The following ARID1B variants were observed in gnomAD, a reference collection of about 807,000 sequenced individuals.
The protein encoded by ARID1B is AT-rich interaction domain 1B.
A neutral mutation model predicts 212.3 loss-of-function variants in ARID1B; 30 were observed. The observed-to-expected ratio is 0.14, with a 90% CI of 0.11 to 0.19. The LOEUF (loss-of-function observed/expected upper bound fraction) is 0.19, where lower values mean the gene tolerates loss of function less well. ARID1B is among the 10% of genes least tolerant of loss of function. ARID1B has a pLI of 1.00. For missense variants in ARID1B, 2,891 were observed against 3,204.0 expected (o/e 0.90, Z 2.36); for synonymous variants, 1,402 against 1,301.7 (o/e 1.08, Z -1.66).
In ARID1B at chr6:157,131,424, G is replaced by A. The variant is rs181322682; in HGVS notation, c.2582-1604G>A. ...ACCTCTGATCAGGTGTCGAGGGAGGGCTGAGGGATGAGAAGGACCCAGCAG... is the reference window on the plus strand; with the variant it reads ...ACCTCTGATCAGGTGTCGAGGGAGGACTGAGGGATGAGAAGGACCCAGCAG... On this transcript the variant is annotated intron_variant, in intron 6 of 19. Transcript: ENST00000636930. Among the ~76,000 whole-genome samples the A allele has an allele frequency of 1.5e-3, 230 of 152,288 alleles. 1 individual carries two copies. Among genetic ancestry groups the A allele is most frequent in the African/African-American group, 5.1e-3 (214 of 41,556 alleles).
chr6:156,894,306 C>CGGGGGGGTTGGGATGGGGGCCGG (rs1167132030), intron 2 of ARID1B, among the ~76,000 whole-genome samples: 1 of 23,636 alleles, frequency 4.2e-5, no homozygotes, highest in Non-Finnish European at 9.2e-5. Context: ...GGATGGGGGC[C>CGGGGGGGTTGGGATGGGGGCCGG]GGGGGTTGGG....
At chr6:156,866,912 T>C (rs1785737528) in intron 2 of ARID1B, among the ~76,000 whole-genome samples, 1 of 152,228 alleles carries the variant, frequency 6.6e-6, no homozygotes, top group South Asian at 2.1e-4. Flanking sequence ...TGGAAGTTAC[T>C]TCGTTTAAGT....
At chr6:157,189,957 A>G (rs1349315685) in intron 14 of ARID1B, 81 bp from the exon 15 acceptor site, 1 of 1,585,964 alleles carries the variant, frequency 6.3e-7, no homozygotes, top group Non-Finnish European at 8.6e-7. Context: ...GCACATTTCA[A>G]GATGGGTTCA....
intron 13 of ARID1B, chr6:157,186,305 C>A: frequency 2.7e-6 from 1 of 375,160 alleles, no homozygotes; most frequent in Non-Finnish European, 5.5e-6. Context: ...ATTTTAACTA[C>A]ACAAAAGAGC....
chr6:157,108,425 A>G (rs1303772240), intron 5 of ARID1B, among the ~76,000 whole-genome samples: 8 of 152,200 alleles, frequency 5.3e-5, no homozygotes, highest in Non-Finnish European at 8.8e-5. Flanking sequence ...TCATGAGTCT[A>G]TGAATCCAGC....
intron 4 of ARID1B, among the ~76,000 whole-genome samples, chr6:157,076,837 C>G (rs1474928643): frequency 6.6e-6 from 1 of 152,150 alleles, no homozygotes; most frequent in East Asian, 1.9e-4. Context: ...TTGGGAAGCA[C>G]CAACCCATAA....
intron 1 of ARID1B, among the ~76,000 whole-genome samples, chr6:156,814,415 A>G (rs1385484840): frequency 2.0e-5 from 3 of 152,170 alleles, no homozygotes; most frequent in Non-Finnish European, 2.9e-5. Flanking sequence ...AAACAAAAGC[A>G]CCAATGTAAA....
intron 4 of ARID1B, among the ~76,000 whole-genome samples, chr6:156,970,656 A>T (rs143328469): frequency 7.9e-5 from 12 of 152,230 alleles, no homozygotes; most frequent in Admixed American, 6.5e-5. Context: ...GTTATAGAGC[A>T]ACTGTCTGTG....
intron 1 of ARID1B, among the ~76,000 whole-genome samples, chr6:156,797,773 C>T (rs1233687279): frequency 1.3e-5 from 2 of 152,168 alleles, no homozygotes; most frequent in South Asian, 4.1e-4. Flanking sequence ...GCACAAGGGC[C>T]GCAGCCTGAG....
intron 8 of ARID1B, among the ~76,000 whole-genome samples, chr6:157,161,938 A>T (rs1006293012): frequency 6.6e-6 from 1 of 152,194 alleles, no homozygotes; most frequent in Non-Finnish European, 1.5e-5. Flanking sequence ...GCACTGCGTG[A>T]TGCTCATTCC....
chr6:156,867,841 G>A (rs1436898393), intron 2 of ARID1B, among the ~76,000 whole-genome samples: 58 of 152,152 alleles, frequency 3.8e-4, no homozygotes, highest in Non-Finnish European at 1.5e-5. Context: ...CTCCTCTACC[G>A]ATCAAATAAG....
At chr6:157,035,234 G>A (rs1159288673) in intron 4 of ARID1B, among the ~76,000 whole-genome samples, 1 of 152,148 alleles carries the variant, frequency 6.6e-6, no homozygotes. Context: ...TTCTTGCAAA[G>A]TTAAACTGTA....
intron 4 of ARID1B, chr6:157,022,478 A>G (rs959799902): frequency 4.6e-5 from 7 of 152,194 alleles, no homozygotes; most frequent in Admixed American, 2.0e-4. Context: ...TGTCTCTGCC[A>G]TGGAGACTTT....
At chr6:156,988,881 T>G (rs1778101160) in intron 4 of ARID1B, among the ~76,000 whole-genome samples, 1 of 152,210 alleles carries the variant, frequency 6.6e-6, no homozygotes, top group Non-Finnish European at 1.5e-5. Context: ...CAGCCAGTAT[T>G]CATGACAGTT....
At chr6:157,155,731 G>T (rs576072127) in intron 8 of ARID1B, among the ~76,000 whole-genome samples, 2 of 152,262 alleles carry the variant, frequency 1.3e-5, no homozygotes, top group South Asian at 4.1e-4. Context: ...ATTCCATAGG[G>T]TAGCTAGATC....
At chr6:156,892,052 T>A (rs1394335747) in intron 2 of ARID1B, among the ~76,000 whole-genome samples, 3 of 90,564 alleles carry the variant, frequency 3.3e-5, no homozygotes, top group African/African-American at 1.2e-4. Flanking sequence ...TCTTTTTTTT[T>A]TTTTTTTCTT....
intron 4 of ARID1B, among the ~76,000 whole-genome samples, chr6:157,029,180 T>C (rs1780867925): frequency 6.6e-6 from 1 of 152,238 alleles, no homozygotes; most frequent in Non-Finnish European, 1.5e-5. Flanking sequence ...GTATTCAATA[T>C]AGCAAAATTG....
chr6:156,845,350 C>T (rs1388293657), intron 2 of ARID1B, among the ~76,000 whole-genome samples: 1 of 152,150 alleles, frequency 6.6e-6, no homozygotes, highest in Non-Finnish European at 1.5e-5. Context: ...CTTGAAATTA[C>T]TTTGACCTCA....
intron 4 of ARID1B, among the ~76,000 whole-genome samples, chr6:156,981,645 C>T (rs931270158): frequency 6.6e-6 from 1 of 152,152 alleles, no homozygotes; most frequent in Admixed American, 6.5e-5. Flanking sequence ...CTTCAATGTC[C>T]TACCCATCTA....
Sources: gnomAD v4.1 joint callset for allele counts (sites outside exome capture counted in the v4.1 genomes callset) on GRCh38, gnomAD v4.1.1 for gene constraint, MANE v1.5 for transcripts, NCBI Gene and HGNC (gene_info 2026-07-23, HGNC 2026-07-21) for gene names.